SYCP1: variants seen among roughly 807,000 people sequenced by gnomAD.
SYCP1 encodes synaptonemal complex protein 1, also known as cancer/testis antigen 8.
A neutral mutation model predicts 153.1 loss-of-function variants in SYCP1; 64 were observed. That is an observed-to-expected ratio of 0.42 (90% CI 0.34 to 0.51). The LOEUF is 0.51. Ranked by LOEUF, SYCP1 falls within the 20% of genes least tolerant of loss-of-function variation. The probability of loss-of-function intolerance (pLI) is 0.06; values close to 1 mark genes in which losing one functional copy is unlikely to be tolerated. For synonymous variants in SYCP1, 384 were observed against 341.8 expected (o/e 1.12, Z -1.36); for missense variants, 997 against 1,049.0 (o/e 0.95, Z 0.68).
chr1:114,932,479 C>T (rs372305997), intron 23 of SYCP1, among the ~76,000 whole-genome samples: 1 of 152,168 alleles, frequency 6.6e-6, no homozygotes, highest in African/African-American at 2.4e-5. Context: ...TCTACAGCTC[C>T]CAGCATGAGT....
chr1:114,987,295 A>G (rs533815499), intron 30 of SYCP1, among the ~76,000 whole-genome samples: 10 of 152,116 alleles, frequency 6.6e-5, no homozygotes, highest in East Asian at 3.9e-4. Flanking sequence ...CAGAACACAA[A>G]CAAAAACAGA....
chr1:114,971,719 A>C (rs1384887289), intron 27 of SYCP1, among the ~76,000 whole-genome samples: 3 of 152,134 alleles, frequency 2.0e-5, no homozygotes, highest in African/African-American at 7.2e-5. Context: ...GATATATCAC[A>C]CTGATTTATT....
chr1:114,874,695 C>CA, intron 9 of SYCP1, 131 bp downstream of exon 9: 1 of 548,826 alleles, frequency 1.8e-6, no homozygotes, highest in Non-Finnish European at 3.1e-6. Flanking sequence ...ATTATTGTAT[C>CA]ACTAATAAAA....
intron 20 of SYCP1, among the ~76,000 whole-genome samples, chr1:114,917,225 A>G (rs1668563545): frequency 1.3e-5 from 2 of 152,124 alleles, no homozygotes; most frequent in South Asian, 2.1e-4. Flanking sequence ...GCTCCTTCAA[A>G]TAAGTGAACA....
chr1:114,874,451 T>C lies in SYCP1; in HGVS notation c.599-55T>C, dbSNP rs143020777. ...TTTTCTGGAGGCATTTTGAGTATTG[T>C]CTTGTTGACATCTTATTTTAAAATT... On this transcript the variant is annotated intron_variant, in intron 8 of 31. Transcript: ENST00000369522. The C allele has an allele frequency of 7.7e-3, 8,195 of 1,060,782 alleles. 290 individuals carry two copies. The Admixed American group carries it at 0.099, about 13-fold the overall frequency. The allele number at this position is 1,060,782 out of a possible 1,614,324, so 65.7% of individuals were successfully genotyped here.
intron 23 of SYCP1, among the ~76,000 whole-genome samples, chr1:114,929,430 G>A (rs1454978036): frequency 6.6e-6 from 1 of 151,234 alleles, no homozygotes; most frequent in Non-Finnish European, 1.5e-5. Flanking sequence ...AAAAATCAAG[G>A]GCAAACCATA....
In SYCP1 at chr1:114,858,537, A is replaced by T; in HGVS notation, c.292-10A>T. The T allele has an allele frequency of 6.4e-7, 1 of 1,552,140 alleles. No individual in the cohort carries two copies. Among genetic ancestry groups the T allele is most frequent in the Non-Finnish European group, 8.7e-7 (1 of 1,153,412 alleles). On this transcript the variant is annotated splice_polypyrimidine_tract_variant and intron_variant, in intron 5 of 31. Coordinates refer to ENST00000369522, the MANE Select transcript of SYCP1 (RefSeq NM_003176.4). ...TTGGACAATTAATTTTTGAAAACATATTTTAATAGAATTCAGAGGGATTGA... is the reference window on the plus strand; with the variant it reads ...TTGGACAATTAATTTTTGAAAACATTTTTTAATAGAATTCAGAGGGATTGA...
In SYCP1 at chr1:114,994,896, A is replaced by ATGATACG; in HGVS notation, c.2808_2809insTGATACG (p.Thr937Ter). 1 of 1,564,340 alleles carries ATGATACG rather than the reference A, an allele frequency of 6.4e-7. No individual in the cohort carries two copies. Among genetic ancestry groups the ATGATACG allele is most frequent in the Non-Finnish European group, 8.7e-7 (1 of 1,155,422 alleles). On this transcript the variant is annotated stop_gained and frameshift_variant, in exon 32 of 32. Transcript: ENST00000369522. LOFTEE classifies it high-confidence loss of function. ...TTTGTACTCAGGCCCCTTCATCTCTAACAACCCCTGGATCTACACTGAAGT... is the reference window on the plus strand; with the variant it reads ...TTTGTACTCAGGCCCCTTCATCTCTATGATACGACAACCCCTGGATCTACACTGAAGT...
At chr1:114,884,587 A>G (rs1049665235) in intron 12 of SYCP1, among the ~76,000 whole-genome samples, 2 of 152,168 alleles carry the variant, frequency 1.3e-5, no homozygotes, top group Non-Finnish European at 1.5e-5. Flanking sequence ...ATTATCATGA[A>G]TATTAGTGTT....
chr1:114,920,676 C>G (rs1431118322), intron 20 of SYCP1, among the ~76,000 whole-genome samples: 1 of 152,002 alleles, frequency 6.6e-6, no homozygotes, highest in Non-Finnish European at 1.5e-5. Flanking sequence ...GTGCATATAT[C>G]TTTGTAATTG....
At chr1:114,962,405 A>C (rs1293374626) in intron 27 of SYCP1, among the ~76,000 whole-genome samples, 4 of 152,184 alleles carry the variant, frequency 2.6e-5, no homozygotes, top group Admixed American at 6.5e-5. Flanking sequence ...TTTTATCATT[A>C]TGTAATGTCT....
In SYCP1 at chr1:114,964,791, G is replaced by A. The variant is rs536361563; in HGVS notation, c.2323-12766G>A. The stretch of plus-strand genomic sequence containing the variant: ...GCCTTGTAGTATAGTTTGAAGTCAC[G>A]TAGCATGATGCCTCCAGCTTTGTTC... On this transcript the variant is annotated intron_variant, in intron 27 of 31. Transcript: ENST00000369522. Among the ~76,000 whole-genome samples the A allele has an allele frequency of 7.9e-5, 12 of 152,266 alleles. No individual in the cohort carries two copies. In the South Asian group the frequency reaches 2.1e-3, roughly 26 times the overall value.
chr1:114,866,470 G>C (rs1222876276), intron 8 of SYCP1, among the ~76,000 whole-genome samples: 1 of 152,024 alleles, frequency 6.6e-6, no homozygotes, highest in African/African-American at 2.4e-5. Flanking sequence ...TTTGCCATCT[G>C]TATGTCTCCT....
At chr1:114,946,807 T>A (rs1301123200) in intron 26 of SYCP1, among the ~76,000 whole-genome samples, 1 of 152,198 alleles carries the variant, frequency 6.6e-6, no homozygotes, top group African/African-American at 2.4e-5. Context: ...TGGCATGATC[T>A]TGGCTCACTG....
chr1:114,858,277 G>C (rs1184671502), intron 5 of SYCP1, among the ~76,000 whole-genome samples: 1 of 152,110 alleles, frequency 6.6e-6, no homozygotes, highest in Non-Finnish European at 1.5e-5. Flanking sequence ...TAACCAGCCA[G>C]ATTCTGTCAC....
At position 114,860,755 on chromosome 1, in the gene SYCP1, T is replaced by C. The variant is rs769154278; in HGVS notation, c.544T>C (p.Leu182=). 1.3e-6 allele frequency: 2 copies of C among 1,596,014 alleles called. No homozygotes were observed. Among genetic ancestry groups the C allele is most frequent in the South Asian group, 2.3e-5 (2 of 87,230 alleles). Residue 182 remains leucine, a synonymous_variant, in exon 8 of 32, where the codon TTA becomes CTA. Coordinates refer to ENST00000369522, the MANE Select transcript of SYCP1 (RefSeq NM_003176.4). ...LIKENNATRH[L]CNLLKETCAR... is the part of the protein sequence containing the mutation. ...TTTCAGGAATAATGCCACAAGGCAT[T>C]TATGTAATCTACTCAAAGAAACCTG...
At chr1:114,885,880 T>C (rs1051005858) in intron 13 of SYCP1, among the ~76,000 whole-genome samples, 1 of 152,062 alleles carries the variant, frequency 6.6e-6, no homozygotes, top group Non-Finnish European at 1.5e-5. Flanking sequence ...GTTCTAAGAA[T>C]TGAAAGAACA....
intron 16 of SYCP1, among the ~76,000 whole-genome samples, chr1:114,899,489 G>A (rs1667275714): frequency 6.6e-6 from 1 of 152,060 alleles, no homozygotes; most frequent in Non-Finnish European, 1.5e-5. Flanking sequence ...AATCTTCAAA[G>A]TTATCAGACC....
intron 23 of SYCP1, among the ~76,000 whole-genome samples, chr1:114,927,851 C>T (rs909508581): frequency 6.6e-5 from 10 of 152,186 alleles, no homozygotes; most frequent in Non-Finnish European, 1.3e-4. Flanking sequence ...CAGAGTCTCA[C>T]TCTGGCACCA....
Sources: gnomAD v4.1 joint callset for allele counts (sites outside exome capture counted in the v4.1 genomes callset) on GRCh38, gnomAD v4.1.1 for gene constraint, MANE v1.5 for transcripts, NCBI Gene and HGNC (gene_info 2026-07-23, HGNC 2026-07-21) for gene names.